Variants in TNXB observed in about 807,000 individuals in gnomAD.
The protein encoded by TNXB is tenascin XB.
Under a neutral mutation model 340.5 loss-of-function variants are expected in TNXB, and 183 were observed. The ratio of observed to expected loss-of-function variants is 0.54; its 90% confidence interval spans 0.48 to 0.61. The LOEUF (loss-of-function observed/expected upper bound fraction) is 0.61, where lower values mean the gene tolerates loss of function less well. Among genes scored for constraint, TNXB ranks in the 20% least tolerant of loss-of-function variants. TNXB has a pLI of 0.00. For synonymous variants in TNXB, 2,121 were observed against 2,314.5 expected, an observed-to-expected ratio of 0.92 and a Z score of 2.40; for missense variants, 4,613 against 5,446.4, an observed-to-expected ratio of 0.85 and a Z score of 4.82.
chr6:32,046,336 T>G lies in TNXB; in HGVS notation c.10445A>C (p.Gln3482Pro). 1.9e-6 allele frequency: 3 copies of G among 1,605,840 alleles called. No individual in the cohort carries two copies. The highest frequency in any genetic ancestry group is 2.5e-6 in the Non-Finnish European group (3 of 1,177,662). ...AQGPFDSFVV[Q>P]YRDTDGQPRA... is the part of the protein sequence containing the mutation. ...GGGCTGCCCGTCCGTGTCCCTGTAC[T>G]GGACCACGAAGGAGTCAAAGGGGCC... Residue 3482 changes from glutamine (Q) to proline (P), a missense_variant, in exon 31 of 44, where the codon CAG becomes CCG. Gln to Pro is a moderately conservative substitution (Grantham distance 76). Transcript: ENST00000644971. The surrounding 1 kb of genome is among the most constrained non-coding windows in gnomAD (Gnocchi z 6.9).
rs1399606176 is a variant in TNXB, at chr6:32,074,003, T to C, written c.4376-51A>G. On this transcript the variant is annotated intron_variant, in intron 11 of 43. Transcript: ENST00000644971. The surrounding 1 kb of genome is among the most constrained non-coding windows in gnomAD (Gnocchi z 5.5). ...TTAGTAAAGAATCCCCCTTTTCTTA[T>C]AGTAATGATGTCTAGTTATTTATTT... 4 of 1,413,662 alleles carry C rather than the reference T, an allele frequency of 2.8e-6. No homozygotes were observed. Among genetic ancestry groups the C allele is most frequent in the African/African-American group, 1.4e-5 (1 of 69,196 alleles). 87.6% of individuals were successfully genotyped at this position (1,413,662 alleles called of 1,614,324 possible). A position where few individuals can be genotyped will look rare whatever the true frequency, so the allele number is the denominator to read the frequency against.
chr6:32,061,491 C>A lies in TNXB; in HGVS notation c.7398G>T (p.Val2466=), dbSNP rs1464332746. The change falls in exon 21 of 44, where the codon GTG becomes GTT. Residue 2466 remains valine, a synonymous_variant. Coordinates refer to ENST00000644971, the MANE Select transcript of TNXB (RefSeq NM_001365276.2). This position sits in a 1 kb window ranked among gnomAD's most constrained non-coding sequence, Gnocchi z 4.4. ...RVGGEESEVT[V]GGLEPGRKYK... ...ATTTGCGCCCAGGCTCCAGGCCCCC[C>A]ACGGTGACCTCGCTCTCCTCGCCCC... 1.2e-5 allele frequency: 20 copies of A among 1,613,494 alleles called. No homozygotes were observed. Among genetic ancestry groups the A allele is most frequent in the Admixed American group, 6.7e-5 (4 of 60,000 alleles).
chr6:32,061,356 G>T lies in TNXB; in HGVS notation c.7492+41C>A. ...GCACAGCAGTAAACCAGGTACCCAT[G>T]AGGGAAAGGTGGTTACCCCGAGACT... On this transcript the variant is annotated intron_variant, in intron 21 of 43. Coordinates refer to ENST00000644971, the MANE Select transcript of TNXB (RefSeq NM_001365276.2). The surrounding 1 kb of genome is among the most constrained non-coding windows in gnomAD (Gnocchi z 4.4). 1 of 1,596,920 alleles carries T rather than the reference G, an allele frequency of 6.3e-7. No homozygotes were observed.
rs1396490141 is a variant in TNXB at position 32,041,765 on chromosome 6, C to T, written c.12633+6G>A. 7.5e-6 allele frequency: 6 copies of T among 798,204 alleles called. No homozygotes were observed. The African/African-American group carries it at 1.0e-4, about 14-fold the overall frequency. The allele number at this position is 798,204 out of a possible 1,614,324, so 49.4% of individuals were successfully genotyped here. Reference sequence around the variant, plus strand: ...CCCAGCTCTGAGCCGCCTCCCCACCCCTCACCTGATGGTCCACTGTGCTCC... The same window carrying T: ...CCCAGCTCTGAGCCGCCTCCCCACCTCTCACCTGATGGTCCACTGTGCTCC... On this transcript the variant is annotated splice_donor_region_variant and intron_variant, in intron 43 of 43. Coordinates refer to ENST00000644971, the MANE Select transcript of TNXB (RefSeq NM_001365276.2).
chr6:32,088,708 C>T, intron 6 of TNXB, 77 bp downstream of exon 6: 3 of 1,513,184 alleles, frequency 2.0e-6, no homozygotes, highest in East Asian at 2.5e-5. Context: ...GTCTGTGAGC[C>T]CTGAGCCTGG....
At chr6:32,057,580 C>A (rs1223734966) in intron 22 of TNXB, among the ~76,000 whole-genome samples, 1 of 152,164 alleles carries the variant, frequency 6.6e-6, no homozygotes, top group East Asian at 1.9e-4. Flanking sequence ...CCCTGGGAGA[C>A]CCCAGGCCTG....
Position 32,048,420 on chromosome 6 carries a change from G to T in TNXB, c.9988C>A (p.Leu3330Ile), listed in dbSNP as rs769294568. 33 of 1,557,480 alleles carry T rather than the reference G, an allele frequency of 2.1e-5. 1 individual carries two copies. Among genetic ancestry groups the T allele is most frequent in the Non-Finnish European group, 6.1e-6 (7 of 1,147,142 alleles). The stretch of plus-strand genomic sequence containing the variant: ...CGTTTCCCATTCTGGAGTCCAAAGA[G>T]CAGGAACTTGTACTTGCGGGCCGGG... Reference protein sequence around the residue: ...LDPARKYKFLLFGLQNGKRHG... With the variant: ...LDPARKYKFLIFGLQNGKRHG... The change falls in exon 29 of 44, where the codon CTC becomes ATC. Residue 3330 changes from leucine (L) to isoleucine (I), a missense_variant. Around this residue, in one of 7 missense-constraint regions of TNXB, gnomAD observed 4,327 missense variants for 4,859.4 expected, o/e 0.89. Transcript: ENST00000644971.
chr6:32,081,781 T>A lies in TNXB; in HGVS notation c.3737-108A>T. ...GGGGGGTGGGGGGTCACTAGTCCATTAATTCGAGTGCTAAACTTCTGGGAA... is the reference window on the plus strand; with the variant it reads ...GGGGGGTGGGGGGTCACTAGTCCATAAATTCGAGTGCTAAACTTCTGGGAA... On this transcript the variant is annotated intron_variant, in intron 9 of 43. Coordinates refer to ENST00000644971, the MANE Select transcript of TNXB (RefSeq NM_001365276.2). This position sits in a 1 kb window ranked among gnomAD's most constrained non-coding sequence, Gnocchi z 5.1. 1 of 728,098 alleles carries A rather than the reference T, an allele frequency of 1.4e-6. No homozygotes were observed. Among genetic ancestry groups the A allele is most frequent in the Non-Finnish European group, 2.3e-6 (1 of 440,564 alleles). The allele number at this position is 728,098 out of a possible 1,614,324, so 45.1% of individuals were successfully genotyped here. A position where few individuals can be genotyped will look rare whatever the true frequency, so the allele number is the denominator to read the frequency against.
rs574125051 is a variant in TNXB, at chr6:32,084,261, T to C, written c.3445+152A>G. Among the ~76,000 whole-genome samples, 6 of 152,274 alleles carry C rather than the reference T, an allele frequency of 3.9e-5. No individual in the cohort carries two copies. Among genetic ancestry groups the C allele is most frequent in the African/African-American group, 1.4e-4 (6 of 41,560 alleles). On this transcript the variant is annotated intron_variant, in intron 8 of 43. Coordinates refer to ENST00000644971, the MANE Select transcript of TNXB (RefSeq NM_001365276.2). The surrounding 1 kb of genome is among the most constrained non-coding windows in gnomAD (Gnocchi z 5.5). ...GCTGCACTGAGCTTCTCAAACTCTT[T>C]GCCTGCCCCACCACTACTTTCCCTT...
Position 32,082,197 on chromosome 6 carries a change from T to G in TNXB, c.3575A>C (p.Gln1192Pro). The G allele has an allele frequency of 1.2e-6, 2 of 1,612,570 alleles. No individual in the cohort carries two copies. The highest frequency in any genetic ancestry group is 2.2e-5 in the South Asian group (2 of 91,014). ...PEGQFDTFMV[Q>P]YRDRDGRPQV... ...GGGCCGTCCATCCCTGTCCCTGTAC[T>G]GGACCATGAAGGTGTCAAACTGGCC... The change falls in exon 9 of 44, where the codon CAG becomes CCG. Residue 1192 changes from glutamine to proline, a missense_variant. By Grantham distance (76) the Gln-to-Pro change is moderately conservative. This residue lies in a region of TNXB where 4,327 missense variants were observed against 4,859.4 expected (regional missense o/e 0.89). Coordinates refer to ENST00000644971, the MANE Select transcript of TNXB (RefSeq NM_001365276.2). The surrounding 1 kb of genome is among the most constrained non-coding windows in gnomAD (Gnocchi z 5.0).
chr6:32,049,367 G>A lies in TNXB; in HGVS notation c.9660C>T (p.Thr3220=), dbSNP rs1180245199. 20 of 1,612,400 alleles carry A rather than the reference G, an allele frequency of 1.2e-5. No individual in the cohort carries two copies. Among genetic ancestry groups the A allele is most frequent in the East Asian group, 8.9e-5 (4 of 44,900 alleles). The part of the protein sequence containing the change: ...VRVRGEESEV[T]VGGLEPGRKY... The stretch of plus-strand genomic sequence containing the variant: ...TGCGCCCGGGCTCCAGGCCCCCCAC[G>A]GTGACCTCGCTCTCCTCGCCCCTGA... Residue 3220 remains threonine, a synonymous_variant, in exon 28 of 44, where the codon ACC becomes ACT. Transcript: ENST00000644971. The surrounding 1 kb of genome is among the most constrained non-coding windows in gnomAD (Gnocchi z 4.5).
Position 32,061,804 on chromosome 6 carries a change from A to G in TNXB, c.7169-84T>C. 1 of 1,520,920 alleles carries G rather than the reference A, an allele frequency of 6.6e-7. No individual in the cohort carries two copies. Among genetic ancestry groups the G allele is most frequent in the East Asian group, 2.3e-5 (1 of 44,132 alleles). 94.2% of individuals were successfully genotyped at this position (1,520,920 alleles called of 1,614,324 possible). On this transcript the variant is annotated intron_variant, in intron 20 of 43. Transcript: ENST00000644971. This position sits in a 1 kb window ranked among gnomAD's most constrained non-coding sequence, Gnocchi z 4.4. ...GGGGAAAAGGAGGGAGAAGGCTATG[A>G]CTAGGGGACATATGAAATAGCCAAG...
In TNXB at chr6:32,075,356, A is replaced by C. The variant is rs982268839; in HGVS notation, c.4376-1404T>G. On this transcript the variant is annotated intron_variant, in intron 11 of 43. Coordinates refer to ENST00000644971, the MANE Select transcript of TNXB (RefSeq NM_001365276.2). The surrounding 1 kb of genome is among the most constrained non-coding windows in gnomAD (Gnocchi z 4.6). ...ATTCCCTATTGCCTGCCCTCCTCCA[A>C]CTCCACCACAAAACATACTGCATTC... Among the ~76,000 whole-genome samples, 1 of 151,614 alleles carries C rather than the reference A, an allele frequency of 6.6e-6. No individual in the cohort carries two copies. The highest frequency in any genetic ancestry group is 2.4e-5 in the African/African-American group (1 of 41,228).
intron 1 of TNXB, among the ~76,000 whole-genome samples, chr6:32,100,130 A>C (rs1780641323): frequency 6.7e-6 from 1 of 148,410 alleles, no homozygotes; most frequent in Non-Finnish European, 1.5e-5. Flanking sequence ...TTTAAGACTG[A>C]GTCTTGCTCT....
chr6:32,073,631 T>G lies in TNXB; in HGVS notation c.4681+16A>C. ...TGGGTAACCAGAGATGAGGACTGAG[T>G]CCCCCCATTACTCACCCGTCACGAT... On this transcript the variant is annotated intron_variant, in intron 12 of 43. Coordinates refer to ENST00000644971, the MANE Select transcript of TNXB (RefSeq NM_001365276.2). This position sits in a 1 kb window ranked among gnomAD's most constrained non-coding sequence, Gnocchi z 4.6. 6.3e-7 allele frequency: 1 copy of G among 1,597,220 alleles called. No individual in the cohort carries two copies. Among genetic ancestry groups the G allele is most frequent in the Non-Finnish European group, 8.5e-7 (1 of 1,171,320 alleles).
At chr6:32,055,826 A>G in intron 24 of TNXB, 25 bp downstream of exon 24, 1 of 1,595,858 alleles carries the variant, frequency 6.3e-7, no homozygotes, top group Non-Finnish European at 8.6e-7. Context: ...TTCTAGGGCC[A>G]TCTTCCTCAC....
Position 32,082,260 on chromosome 6 carries a change from G to A in TNXB, c.3512C>T (p.Thr1171Ile). 6.2e-7 allele frequency: 1 copy of A among 1,607,376 alleles called. No individual in the cohort carries two copies. The highest frequency in any genetic ancestry group is 1.1e-5 in the South Asian group (1 of 90,134). Residue 1171 changes from threonine (T) to isoleucine (I), a missense_variant, in exon 9 of 44, where the codon ACC becomes ATC. This residue lies in a region of TNXB where 4,327 missense variants were observed against 4,859.4 expected (regional missense o/e 0.89). Transcript: ENST00000644971. The surrounding 1 kb of genome is among the most constrained non-coding windows in gnomAD (Gnocchi z 5.0). Reference protein sequence around the residue: ...HLGNLWVTDPTPDSLHLSWTV... With the variant: ...HLGNLWVTDPIPDSLHLSWTV... ...CCAGGAGAGGTGCAGTGAATCTGGG[G>A]TAGGGTCTGTCACCCACAGGTTTCC...
chr6:32,080,860 G>A lies in TNXB; in HGVS notation c.4042+508C>T, dbSNP rs1299836058. Among the ~76,000 whole-genome samples the A allele has an allele frequency of 6.6e-6, 1 of 152,204 alleles. No individual in the cohort carries two copies. The highest frequency in any genetic ancestry group is 1.5e-5 in the Non-Finnish European group (1 of 68,050). On this transcript the variant is annotated intron_variant, in intron 10 of 43. Coordinates refer to ENST00000644971, the MANE Select transcript of TNXB (RefSeq NM_001365276.2). This position sits in a 1 kb window ranked among gnomAD's most constrained non-coding sequence, Gnocchi z 4.3. Reference sequence around the variant, plus strand: ...GGGGCTGGGAGTCAAGGAGTCGGGAGCTGAGAGGAGTCCTCTTCATGCTGC... The same window carrying A: ...GGGGCTGGGAGTCAAGGAGTCGGGAACTGAGAGGAGTCCTCTTCATGCTGC...
chr6:32,068,247 G>T lies in TNXB; in HGVS notation c.6220+143C>A. ...AGCCAGTGGTCAACCTCACAGGAAGGCCCAAGGGGAGCCCCAGCCCCAGCC... is the reference window on the plus strand; with the variant it reads ...AGCCAGTGGTCAACCTCACAGGAAGTCCCAAGGGGAGCCCCAGCCCCAGCC... On this transcript the variant is annotated intron_variant, in intron 17 of 43. Transcript: ENST00000644971. This position sits in a 1 kb window ranked among gnomAD's most constrained non-coding sequence, Gnocchi z 5.3. The T allele has an allele frequency of 7.7e-7, 1 of 1,290,938 alleles. No homozygotes were observed. Among genetic ancestry groups the T allele is most frequent in the Non-Finnish European group, 1.1e-6 (1 of 945,496 alleles). The allele number at this position is 1,290,938 out of a possible 1,614,324, so 80.0% of individuals were successfully genotyped here.
Sources: allele counts gnomAD v4.1 joint callset (sites outside exome capture counted in the v4.1 genomes callset), GRCh38; gene constraint gnomAD v4.1.1; regional missense constraint gnomAD v4.1.1; non-coding constraint Gnocchi (gnomAD v3.1); transcripts MANE v1.5; gene names NCBI Gene and HGNC (gene_info 2026-07-23, HGNC 2026-07-21).